Variants in DDX56 observed in about 807,000 individuals in gnomAD.
DDX56 encodes the protein DEAD-box helicase 56.
Under a neutral mutation model 61.5 loss-of-function variants are expected in DDX56, and 45 were observed. That is an observed-to-expected ratio of 0.73 (90% confidence interval 0.58 to 0.94). The LOEUF (loss-of-function observed/expected upper bound fraction) is 0.94, where lower values mean the gene tolerates loss of function less well. DDX56 is among the 40% of genes least tolerant of loss of function. The pLI is 0.00. For synonymous variants in DDX56, 273 were observed against 268.3 expected, an observed-to-expected ratio of 1.02 and a Z score of -0.17; for missense variants, 708 against 690.7, an observed-to-expected ratio of 1.02 and a Z score of -0.28.
chr7:44,569,622 G>A, intron 9 of DDX56, 187 bp downstream of exon 9: 1 of 632,936 alleles, frequency 1.6e-6, no homozygotes, highest in Non-Finnish European at 2.7e-6. Context: ...CACAACTTTG[G>A]ACAAATTACC....
intron 10 of DDX56, 54 bp from the exon 11 acceptor site, chr7:44,569,046 C>T (rs1479100118): frequency 1.9e-6 from 3 of 1,611,460 alleles, no homozygotes; most frequent in Non-Finnish European, 2.5e-6. Flanking sequence ...ATCCTCCCTT[C>T]ACACCTGGAT....
intron 11 of DDX56, 23 bp from the exon 12 acceptor site, chr7:44,568,246 C>A: frequency 6.5e-7 from 1 of 1,542,704 alleles, no homozygotes; most frequent in South Asian, 1.1e-5. Flanking sequence ...GAGGGAGAGC[C>A]ACAGAGTGAG....
intron 12 of DDX56, 35 bp from the exon 13 acceptor site, chr7:44,566,559 C>T (rs530304651): frequency 6.8e-6 from 10 of 1,462,044 alleles, no homozygotes; most frequent in South Asian, 1.3e-5. Context: ...GTGGGCTCAC[C>T]GCTACTGCTC....
intron 11 of DDX56, among the ~76,000 whole-genome samples, chr7:44,568,527 A>G (rs936463543): frequency 2.6e-5 from 4 of 152,030 alleles, no homozygotes; most frequent in African/African-American, 9.7e-5. Context: ...TTACCTAGCA[A>G]GCCCCCTATG....
chr7:44,570,680 C>T lies in DDX56; in HGVS notation c.1010+78G>A, dbSNP rs576078344. The T allele has an allele frequency of 2.2e-5, 33 of 1,532,670 alleles. No individual in the cohort carries two copies. The African/African-American group carries it at 4.0e-4, about 19-fold the overall frequency. 94.9% of individuals were successfully genotyped at this position (1,532,670 alleles called of 1,614,324 possible). On this transcript the variant is annotated intron_variant, in intron 7 of 13. Coordinates refer to ENST00000258772, the MANE Select transcript of DDX56 (RefSeq NM_019082.4). ...GGAAGGTTTGGCTCCCTGCTCTGTGCACTCTGGTTTTAGTCTTCCAAAAAG... is the reference window on the plus strand; with the variant it reads ...GGAAGGTTTGGCTCCCTGCTCTGTGTACTCTGGTTTTAGTCTTCCAAAAAG...
At chr7:44,568,305 A>ATGAGTGTGTT in intron 11 of DDX56, 82 bp from the exon 12 acceptor site, 1 of 1,011,042 alleles carries the variant, frequency 9.9e-7, no homozygotes, top group Non-Finnish European at 1.4e-6. Context: ...AGGATAACAC[A>ATGAGTGTGTT]CTCATGTGTT....
At chr7:44,566,548 A>T in intron 12 of DDX56, 24 bp from the exon 13 acceptor site, 1 of 1,527,810 alleles carries the variant, frequency 6.5e-7, no homozygotes. Context: ...TTGCCTGAGC[A>T]GTGGGCTCAC....
rs1418512421 is a variant in DDX56, at chr7:44,573,083, C to T, written c.223-33G>A. 5 of 1,531,606 alleles carry T rather than the reference C, an allele frequency of 3.3e-6. No homozygotes were observed. The Admixed American group carries it at 1.0e-4, about 32-fold the overall frequency. The allele number at this position is 1,531,606 out of a possible 1,614,324, so 94.9% of individuals were successfully genotyped here. On this transcript the variant is annotated intron_variant, in intron 2 of 13. Transcript: ENST00000258772. ...AATATGAATTAAAGACTTTAGCCAG[C>T]AGTGCACATCACTGTGTCCACGTGT...
chr7:44,572,429 G>C lies in DDX56; in HGVS notation c.563C>G (p.Pro188Arg). 6.2e-7 allele frequency: 1 copy of C among 1,614,018 alleles called. No individual in the cohort carries two copies. The highest frequency in any genetic ancestry group is 8.5e-7 in the Non-Finnish European group (1 of 1,179,998). ...CATGAGAAAAGCCTGGTAAATCCGG[G>C]GCAAGTGACTGAAATGAAAGAATCC... ...EELKSLLCHL[P>R]RIYQAFLMSA... Residue 188 changes from proline (P) to arginine (R), a missense_variant, in exon 5 of 14, where the codon CCC (proline) becomes CGC (arginine). Coordinates refer to ENST00000258772, the MANE Select transcript of DDX56 (RefSeq NM_019082.4).
intron 2 of DDX56, 147 bp from the exon 3 acceptor site, chr7:44,573,197 C>T: frequency 1.4e-6 from 1 of 723,344 alleles, no homozygotes; most frequent in East Asian, 2.8e-5. Context: ...CCTCAGAATG[C>T]AGAGTGGAGA....
At chr7:44,568,506 T>C (rs1042476242) in intron 11 of DDX56, among the ~76,000 whole-genome samples, 4 of 152,060 alleles carry the variant, frequency 2.6e-5, no homozygotes, top group African/African-American at 7.2e-5. Flanking sequence ...CGGCTCTGAA[T>C]GCACCTGAGT....
At position 44,565,953 on chromosome 7, in the gene DDX56, G is replaced by GT. The variant is rs1264902138; in HGVS notation, c.*48dup. ...AGAGCCTCGCCTGTCCACGAAGGGT[G>GT]TAAGCCTGTGCTCCACAATGTGCTC... On this transcript the variant is annotated 3_prime_UTR_variant, in exon 14 of 14. Transcript: ENST00000258772. 1.4e-6 allele frequency: 2 copies of GT among 1,430,772 alleles called. No individual in the cohort carries two copies. The highest frequency in any genetic ancestry group is 2.4e-5 in the South Asian group (2 of 84,964). 88.6% of individuals were successfully genotyped at this position (1,430,772 alleles called of 1,614,324 possible).
intron 11 of DDX56, among the ~76,000 whole-genome samples, chr7:44,568,496 C>T (rs1333409777): frequency 2.6e-5 from 4 of 152,062 alleles, no homozygotes; most frequent in African/African-American, 4.8e-5. Flanking sequence ...ATGTAACCTT[C>T]GGCTCTGAAT....
rs980915967 is a variant in DDX56 at position 44,566,979 on chromosome 7, T to C, written c.1490-455A>G. 3.3e-5 allele frequency among the ~76,000 whole-genome samples: 5 copies of C among 152,050 alleles called. No homozygotes were observed. The East Asian group carries it at 9.6e-4, about 29-fold the overall frequency. Reference sequence around the variant, plus strand: ...TCAAACATCCCACATCCTGACACCTTTCCACCTTCTCCTGGCCCTTCTAAA... The same window carrying C: ...TCAAACATCCCACATCCTGACACCTCTCCACCTTCTCCTGGCCCTTCTAAA... On this transcript the variant is annotated intron_variant, in intron 12 of 13. Coordinates refer to ENST00000258772, the MANE Select transcript of DDX56 (RefSeq NM_019082.4).
chr7:44,569,338 G>A (rs1243369721), intron 9 of DDX56, 135 bp from the exon 10 acceptor site: 4 of 778,146 alleles, frequency 5.1e-6, no homozygotes, highest in Non-Finnish European at 8.2e-6. Context: ...CGAACATGCA[G>A]GTTAGCTGCA....
chr7:44,568,034 C>A, intron 12 of DDX56, 84 bp downstream of exon 12: 1 of 1,127,844 alleles, frequency 8.9e-7, no homozygotes, highest in African/African-American at 1.5e-5. Context: ...TCCCCAGCAC[C>A]AAGCACAGGG....
intron 12 of DDX56, 122 bp from the exon 13 acceptor site, chr7:44,566,646 T>G: frequency 1.5e-6 from 1 of 676,824 alleles, no homozygotes. Context: ...CATACATCTA[T>G]TCACTACCAC....
At position 44,572,879 on chromosome 7, in the gene DDX56, C is replaced by T. The variant is rs751494631; in HGVS notation, c.383+11G>A. ...GCTTCATTCAGGTACAGCTTTGCTG[C>T]TTTTACCCACCTCTGAGAGACTGAG... On this transcript the variant is annotated intron_variant, in intron 3 of 13. Transcript: ENST00000258772. The T allele has an allele frequency of 1.9e-6, 3 of 1,583,676 alleles. No homozygotes were observed. The Admixed American group carries it at 5.3e-5, about 28-fold the overall frequency.
Position 44,570,802 on chromosome 7 carries a change from G to A in DDX56, c.966C>T (p.Ala322=), listed in dbSNP as rs765816437. 7 of 1,613,728 alleles carry A rather than the reference G, an allele frequency of 4.3e-6. No individual in the cohort carries two copies. The highest frequency in any genetic ancestry group is 5.1e-6 in the Non-Finnish European group (6 of 1,179,782). Residue 322 remains alanine (A), a synonymous_variant, in exon 7 of 14, where the codon GCC becomes GCT. Coordinates refer to ENST00000258772, the MANE Select transcript of DDX56 (RefSeq NM_019082.4). ...GGCCCCGACGCTTGCCCTTGACTGG[G>A]GCCCCCAGGACTTCAGCATCAGTTG... The part of the protein sequence containing the change: ...VIATDAEVLG[A]PVKGKRRGRG...
Sources: allele counts gnomAD v4.1 joint callset (sites outside exome capture counted in the v4.1 genomes callset), GRCh38; gene constraint gnomAD v4.1.1; transcripts MANE v1.5; gene names NCBI Gene and HGNC (gene_info 2026-07-23, HGNC 2026-07-21).